ADAMTS12: variants seen among roughly 807,000 people sequenced by gnomAD.
ADAMTS12 encodes the protein A disintegrin and metalloproteinase with thrombospondin motifs 12.
In ADAMTS12, 118 loss-of-function variants were observed where a neutral mutation model predicts 167.8. The ratio of observed to expected loss-of-function variants is 0.70; its 90% CI spans 0.61 to 0.82. ADAMTS12 has a LOEUF of 0.82. ADAMTS12 is among the 40% of genes least tolerant of loss of function. The pLI is 0.00. For synonymous variants in ADAMTS12, 704 were observed against 716.9 expected (o/e 0.98, Z 0.29); for missense variants, 1,916 against 1,998.8 (o/e 0.96, Z 0.79).
intron 16 of ADAMTS12, among the ~76,000 whole-genome samples, chr5:33,602,899 G>T (rs979012327): frequency 3.9e-5 from 6 of 152,162 alleles, no homozygotes; most frequent in African/African-American, 1.4e-4. Flanking sequence ...AACTTTGTAG[G>T]CATGGTCTTT....
chr5:33,648,878 G>A lies in ADAMTS12; in HGVS notation c.1423C>T (p.His475Tyr). The A allele has an allele frequency of 6.2e-7, 1 of 1,614,022 alleles. No homozygotes were observed. The highest frequency in any genetic ancestry group is 8.5e-7 in the Non-Finnish European group (1 of 1,179,962). The change falls in exon 9 of 24, where the codon CAC (histidine) becomes TAC (tyrosine). Residue 475 changes from histidine (H) to tyrosine (Y), a missense_variant. By Grantham distance (83) the His-to-Tyr change is moderately conservative (BLOSUM62 2). Coordinates refer to ENST00000504830, the MANE Select transcript of ADAMTS12 (RefSeq NM_030955.4). ...CCATATTGTAGCTGGCACTGGTGGT[G>A]AACATCATAGATCACTCCGGGGGCA... Reference protein sequence around the residue: ...VIAPGVIYDVHHQCQLQYGPN... With the variant: ...VIAPGVIYDVYHQCQLQYGPN...
intron 3 of ADAMTS12, among the ~76,000 whole-genome samples, chr5:33,730,585 A>G (rs1327369598): frequency 6.6e-6 from 1 of 152,176 alleles, no homozygotes; most frequent in Non-Finnish European, 1.5e-5. Context: ...TTTGTCTTAA[A>G]TAACAGCAAA....
chr5:33,532,098 C>T (rs1744132321), intron 23 of ADAMTS12, among the ~76,000 whole-genome samples: 1 of 152,116 alleles, frequency 6.6e-6, no homozygotes, highest in South Asian at 2.1e-4. Flanking sequence ...GAGGGGAGAT[C>T]CCAATTTGCC....
At chr5:33,782,774 A>C (rs1368131414) in intron 2 of ADAMTS12, among the ~76,000 whole-genome samples, 1 of 152,134 alleles carries the variant, frequency 6.6e-6, no homozygotes, top group Non-Finnish European at 1.5e-5. Context: ...TAACAGAACC[A>C]TAAAATACAT....
At chr5:33,529,469 T>C (rs1051236923) in intron 23 of ADAMTS12, among the ~76,000 whole-genome samples, 3 of 152,174 alleles carry the variant, frequency 2.0e-5, no homozygotes, top group African/African-American at 7.2e-5. Flanking sequence ...TTCTTTCTCC[T>C]TTACAGAGAA....
chr5:33,576,611 G>A lies in ADAMTS12; in HGVS notation c.3415C>T (p.Pro1139Ser). 3 of 1,614,204 alleles carry A rather than the reference G, an allele frequency of 1.9e-6. No individual in the cohort carries two copies. Among genetic ancestry groups the A allele is most frequent in the Non-Finnish European group, 2.5e-6 (3 of 1,180,042 alleles). The change falls in exon 19 of 24, where the codon CCT becomes TCT. Residue 1139 changes from proline to serine, a missense_variant. Pro to Ser is a moderately conservative substitution (Grantham distance 74). Coordinates refer to ENST00000504830, the MANE Select transcript of ADAMTS12 (RefSeq NM_030955.4). ...AAGGTATTGTAAAATGGAGTCACAG[G>A]CCAAGTGATAGGGTTGCGGGAAGAT... ...LSSSRNPITW[P>S]VTPFYNTLTK...
chr5:33,643,350 C>T (rs756057114), intron 10 of ADAMTS12, 28 bp downstream of exon 10: 4 of 1,612,358 alleles, frequency 2.5e-6, no homozygotes, highest in South Asian at 1.1e-5. Context: ...ACCGCCCTCC[C>T]ACCTCATTCC....
intron 2 of ADAMTS12, among the ~76,000 whole-genome samples, chr5:33,814,996 C>T (rs953268184): frequency 6.6e-6 from 1 of 152,120 alleles, no homozygotes; most frequent in Non-Finnish European, 1.5e-5. Context: ...AGTTTTGTTA[C>T]AGATGTGGAG....
At chr5:33,654,246 A>G (rs1270821591) in intron 7 of ADAMTS12, among the ~76,000 whole-genome samples, 8 of 152,158 alleles carry the variant, frequency 5.3e-5, no homozygotes, top group Non-Finnish European at 1.5e-5. Context: ...CTTTTTCACC[A>G]TGGCCGCTTT....
chr5:33,620,585 T>C (rs1179727318), intron 14 of ADAMTS12, among the ~76,000 whole-genome samples: 5 of 152,234 alleles, frequency 3.3e-5, no homozygotes, highest in African/African-American at 9.6e-5. Context: ...TACTGCATCT[T>C]TGGTTTGTTT....
chr5:33,536,742 T>C (rs1298912229), intron 22 of ADAMTS12, among the ~76,000 whole-genome samples: 1 of 152,234 alleles, frequency 6.6e-6, no homozygotes, highest in Non-Finnish European at 1.5e-5. Flanking sequence ...CCACCCCCGA[T>C]AGACTCACCT....
intron 5 of ADAMTS12, 148 bp from the exon 6 acceptor site, chr5:33,662,188 C>T: frequency 1.1e-6 from 1 of 950,402 alleles, no homozygotes; most frequent in African/African-American, 1.6e-5. Context: ...CAGAGGCCAA[C>T]TGACTCCTCT....
chr5:33,845,468 G>A (rs1473211780), intron 2 of ADAMTS12, among the ~76,000 whole-genome samples: 1 of 152,166 alleles, frequency 6.6e-6, no homozygotes, highest in South Asian at 2.1e-4. Flanking sequence ...CTGCCGTTAT[G>A]TATTAATAAT....
chr5:33,873,530 T>C (rs1750119000), intron 2 of ADAMTS12, among the ~76,000 whole-genome samples: 2 of 152,148 alleles, frequency 1.3e-5, no homozygotes, highest in Non-Finnish European at 2.9e-5. Flanking sequence ...CCAACCAAAA[T>C]CTTAGCAATT....
intron 3 of ADAMTS12, among the ~76,000 whole-genome samples, chr5:33,696,742 T>G (rs2112288475): frequency 6.6e-6 from 1 of 152,294 alleles, no homozygotes; most frequent in African/African-American, 2.4e-5. Flanking sequence ...TTTGAGTTAA[T>G]TTTTTCAATA....
Position 33,637,742 on chromosome 5 carries a change from T to G in ADAMTS12, c.1723A>C (p.Lys575Gln). ...AERLCNNPEP[K>Q]FGGKYCTGER... ...CCAGTGCAATATTTCCCTCCAAACT[T>G]TGGCCTGCAAATGAAACAGACAAGC... The change falls in exon 12 of 24, where the codon AAG becomes CAG. Residue 575 changes from lysine to glutamine, a missense_variant. Physicochemically the swap from Lys to Gln is moderately conservative, Grantham distance 53. Coordinates refer to ENST00000504830, the MANE Select transcript of ADAMTS12 (RefSeq NM_030955.4). The G allele has an allele frequency of 1.9e-6, 3 of 1,612,366 alleles. No individual in the cohort carries two copies. The highest frequency in any genetic ancestry group is 2.5e-6 in the Non-Finnish European group (3 of 1,179,024).
chr5:33,736,131 C>T (rs983410140), intron 3 of ADAMTS12, among the ~76,000 whole-genome samples: 5 of 151,054 alleles, frequency 3.3e-5, no homozygotes, highest in African/African-American at 7.3e-5. Flanking sequence ...GGTGCGATCT[C>T]GGCTCACTGC....
intron 2 of ADAMTS12, among the ~76,000 whole-genome samples, chr5:33,758,410 G>T (rs1745238658): frequency 6.6e-6 from 1 of 152,104 alleles, no homozygotes; most frequent in Non-Finnish European, 1.5e-5. Flanking sequence ...CAGCCTCTTG[G>T]CATAATGAAC....
intron 22 of ADAMTS12, among the ~76,000 whole-genome samples, chr5:33,543,385 A>G (rs1043028013): frequency 2.6e-5 from 4 of 152,158 alleles, no homozygotes; most frequent in Non-Finnish European, 5.9e-5. Flanking sequence ...CCTAACAACC[A>G]AAAAAAGTCC....
Sources: gnomAD v4.1 joint callset for allele counts (sites outside exome capture counted in the v4.1 genomes callset) on GRCh38, gnomAD v4.1.1 for gene constraint, MANE v1.5 for transcripts, NCBI Gene and HGNC (gene_info 2026-07-23, HGNC 2026-07-21) for gene names.